WWOX: variants seen among roughly 807,000 people sequenced by gnomAD.
WWOX encodes the protein WW domain-containing oxidoreductase.
In WWOX, 69 loss-of-function variants were observed where a neutral mutation model predicts 46.2. The observed-to-expected ratio is 1.49, with a 90% CI of 1.23 to 1.82. The LOEUF is 1.82. Ranked by LOEUF, WWOX falls within the 40% of genes most tolerant of loss-of-function variation. The pLI is 0.00. For missense variants in WWOX, 919 were observed against 542.6 expected (o/e 1.69, Z -6.89); for synonymous variants, 359 against 202.6 (o/e 1.77, Z -6.56).
At chr16:78,735,382 A>G (rs1032351940) in intron 8 of WWOX, among the ~76,000 whole-genome samples, 2 of 131,910 alleles carry the variant, frequency 1.5e-5, no homozygotes, top group Non-Finnish European at 3.1e-5. Context: ...GATGTCATAC[A>G]CACCACACAC....
intron 8 of WWOX, among the ~76,000 whole-genome samples, chr16:78,562,758 T>G (rs572418502): frequency 6.0e-4 from 91 of 152,290 alleles, no homozygotes; most frequent in African/African-American, 2.1e-3. Flanking sequence ...GTTAAGATCT[T>G]TAACTCAGGG....
intron 5 of WWOX, among the ~76,000 whole-genome samples, chr16:78,318,578 A>G (rs553167647): frequency 6.6e-6 from 1 of 152,320 alleles, no homozygotes; most frequent in East Asian, 1.9e-4. Flanking sequence ...GTAGCTTTGG[A>G]TAAATTAATA....
intron 5 of WWOX, among the ~76,000 whole-genome samples, chr16:78,247,396 C>G (rs770733235): frequency 6.6e-6 from 1 of 151,868 alleles, no homozygotes; most frequent in Non-Finnish European, 1.5e-5. Context: ...GCCCACCTTT[C>G]TTTTTTTTGC....
chr16:79,192,978 C>A (rs1208762607), intron 8 of WWOX, among the ~76,000 whole-genome samples: 2 of 152,210 alleles, frequency 1.3e-5, no homozygotes, highest in African/African-American at 2.4e-5. Flanking sequence ...GTCTCACATT[C>A]CTTTCTGCTA....
chr16:78,431,146 A>G (rs74740608), intron 7 of WWOX, among the ~76,000 whole-genome samples: 3,181 of 152,312 alleles, frequency 0.021, 129 homozygotes, highest in African/African-American at 0.072. Context: ...TAAGAGAAAG[A>G]GACAAACGGA....
intron 5 of WWOX, among the ~76,000 whole-genome samples, chr16:78,187,610 G>C (rs183513024): frequency 6.6e-6 from 1 of 152,060 alleles, no homozygotes; most frequent in Admixed American, 6.6e-5. Flanking sequence ...CTGAGACTTC[G>C]AGACTCTGTC....
intron 8 of WWOX, among the ~76,000 whole-genome samples, chr16:79,131,191 T>A (rs2150695809): frequency 6.6e-6 from 1 of 152,160 alleles, no homozygotes; most frequent in Middle Eastern, 3.4e-3. Flanking sequence ...ACAAGCAAGG[T>A]GATTCAGCAA....
intron 8 of WWOX, among the ~76,000 whole-genome samples, chr16:78,580,279 G>A (rs775253098): frequency 6.6e-6 from 1 of 151,996 alleles, no homozygotes; most frequent in Admixed American, 6.6e-5. Flanking sequence ...TCACTATGTT[G>A]CCCAGGCTGA....
chr16:78,420,978 A>C (rs754784150), intron 6 of WWOX, among the ~76,000 whole-genome samples: 1 of 151,892 alleles, frequency 6.6e-6, no homozygotes, highest in Non-Finnish European at 1.5e-5. Context: ...AAGTTTGGGA[A>C]CCTCTGGCTT....
At chr16:78,884,845 A>G (rs2044420297) in intron 8 of WWOX, among the ~76,000 whole-genome samples, 2 of 152,252 alleles carry the variant, frequency 1.3e-5, no homozygotes, top group Non-Finnish European at 2.9e-5. Flanking sequence ...ATACAAAATC[A>G]TATCTGACAG....
At chr16:78,845,082 T>C (rs76362068) in intron 8 of WWOX, among the ~76,000 whole-genome samples, 2 of 150,962 alleles carry the variant, frequency 1.3e-5, no homozygotes, top group African/African-American at 4.9e-5. Flanking sequence ...AGGGTCGTTG[T>C]CTCCTCCTAT....
At chr16:78,372,309 A>G (rs1194204238) in intron 5 of WWOX, among the ~76,000 whole-genome samples, 5 of 152,128 alleles carry the variant, frequency 3.3e-5, no homozygotes, top group Admixed American at 2.6e-4. Context: ...ATGCTTAGAT[A>G]TGGTTCCTTA....
At chr16:78,840,845 TC>T (rs1330170828) in intron 8 of WWOX, among the ~76,000 whole-genome samples, 1 of 151,930 alleles carries the variant, frequency 6.6e-6, no homozygotes, top group East Asian at 1.9e-4. Context: ...AAATTGGTAA[TC>T]CCCCAGGGGA....
intron 8 of WWOX, among the ~76,000 whole-genome samples, chr16:78,865,832 T>C (rs62036232): frequency 6.6e-6 from 1 of 152,140 alleles, no homozygotes; most frequent in African/African-American, 2.4e-5. Flanking sequence ...GTGAGCCAGA[T>C]TGCACCACCG....
rs568417072 is a variant in WWOX at position 78,641,047 on chromosome 16, CTG to C, written c.1056+208297_1056+208298del. On this transcript the variant is annotated intron_variant, in intron 8 of 8. Coordinates refer to ENST00000566780, the MANE Select transcript of WWOX (RefSeq NM_016373.4). ...CAAAAATTGTCCTAACTGAGCATTACTGTAACATAGAACAGCTGAAACACTCC... is the reference window on the plus strand; with the variant it reads ...CAAAAATTGTCCTAACTGAGCATTACTAACATAGAACAGCTGAAACACTCC... Among the ~76,000 whole-genome samples the C allele has an allele frequency of 3.3e-5, 5 of 152,112 alleles. No homozygotes were observed. The East Asian group carries it at 7.7e-4, about 24-fold the overall frequency.
chr16:78,281,832 G>C (rs1436245502), intron 5 of WWOX, among the ~76,000 whole-genome samples: 1 of 152,190 alleles, frequency 6.6e-6, no homozygotes, highest in African/African-American at 2.4e-5. Flanking sequence ...CCCCTGCTTA[G>C]AGTCTAGCTT....
intron 8 of WWOX, among the ~76,000 whole-genome samples, chr16:78,876,891 C>G (rs1210033695): frequency 6.6e-6 from 1 of 152,160 alleles, no homozygotes; most frequent in African/African-American, 2.4e-5. Context: ...TAAGATAACA[C>G]TCTGAATTCC....
At chr16:78,939,070 G>A (rs544005442) in intron 8 of WWOX, among the ~76,000 whole-genome samples, 17 of 152,352 alleles carry the variant, frequency 1.1e-4, no homozygotes, top group African/African-American at 4.1e-4. Flanking sequence ...AATGGAGTGG[G>A]TAGCCACAGG....
intron 8 of WWOX, among the ~76,000 whole-genome samples, chr16:78,960,395 A>C (rs181918968): frequency 1.3e-5 from 2 of 152,316 alleles, no homozygotes; most frequent in East Asian, 3.9e-4. Context: ...CCTGTCCTTC[A>C]GCCATCTAGA....
Sources: gnomAD v4.1 joint callset for allele counts (sites outside exome capture counted in the v4.1 genomes callset) on GRCh38, gnomAD v4.1.1 for gene constraint, MANE v1.5 for transcripts, NCBI Gene and HGNC (gene_info 2026-07-23, HGNC 2026-07-21) for gene names.